Variants in ABCG1 observed in about 807,000 individuals in gnomAD.
The protein encoded by ABCG1 is ATP binding cassette subfamily G member 1.
In ABCG1, 29 loss-of-function variants were observed where a neutral mutation model predicts 69.2. That is an observed-to-expected ratio of 0.42 (90% CI 0.31 to 0.57). The LOEUF (loss-of-function observed/expected upper bound fraction) is 0.57, where lower values mean the gene tolerates loss of function less well. Ranked by LOEUF, ABCG1 falls within the 20% of genes least tolerant of loss-of-function variation. The pLI, the probability that ABCG1 is intolerant of heterozygous loss-of-function variation, is 0.15. For missense variants in ABCG1, 718 were observed against 898.1 expected (o/e 0.80, Z 2.56); for synonymous variants, 370 against 374.8 (o/e 0.99, Z 0.15).
chr21:42,215,790 G>A (rs1230462358), upstream of ABCG1, among the ~76,000 whole-genome samples: 14 of 152,238 alleles, frequency 9.2e-5, no homozygotes, highest in Non-Finnish European at 2.1e-4. Context: ...CCTACTCTGG[G>A]GAGTGACTCC....
At chr21:42,286,844 G>C (rs1352658372) in intron 8 of ABCG1, among the ~76,000 whole-genome samples, 1 of 152,228 alleles carries the variant, frequency 6.6e-6, no homozygotes, top group Non-Finnish European at 1.5e-5. Flanking sequence ...TCTGACCAGA[G>C]AGCGGGAGGT....
chr21:42,214,840 A>T (rs1395620633), upstream of ABCG1, among the ~76,000 whole-genome samples: 1 of 152,236 alleles, frequency 6.6e-6, no homozygotes, highest in Non-Finnish European at 1.5e-5. Context: ...GGGGAAAAAA[A>T]TCCCATAAGC....
intron 2 of ABCG1, among the ~76,000 whole-genome samples, chr21:42,243,443 TGCGC>T (rs369452223): frequency 2.0e-4 from 18 of 89,564 alleles, no homozygotes; most frequent in Admixed American, 1.1e-3. Flanking sequence ...ACCGTGTGTG[TGCGC>T]GTGTGTGTGT....
intron 5 of ABCG1, among the ~76,000 whole-genome samples, chr21:42,281,610 C>T (rs1488030147): frequency 1.3e-5 from 2 of 152,162 alleles, no homozygotes; most frequent in African/African-American, 4.8e-5. Flanking sequence ...TGTTTCGTTG[C>T]CTTCCTGGCA....
At chr21:42,251,579 C>T (rs563947862) in intron 2 of ABCG1, among the ~76,000 whole-genome samples, 16 of 151,850 alleles carry the variant, frequency 1.1e-4, no homozygotes, top group East Asian at 5.8e-4. Flanking sequence ...TGAATGGCAG[C>T]GGCCAACGCA....
intron 1 of ABCG1, among the ~76,000 whole-genome samples, chr21:42,200,531 A>C (rs1442227484): frequency 1.3e-5 from 2 of 150,798 alleles, no homozygotes; most frequent in Admixed American, 6.6e-5. Context: ...CAATTTTTCC[A>C]TGGTTTGGGG....
chr21:42,227,459 G>A (rs886326588), intron 2 of ABCG1, among the ~76,000 whole-genome samples: 3 of 152,198 alleles, frequency 2.0e-5, no homozygotes, highest in African/African-American at 7.2e-5. Flanking sequence ...ATTCCTGTCC[G>A]TCTGTTATGT....
rs77299902 is a variant in ABCG1 at position 42,238,005 on chromosome 21, G to A, written c.286+12091G>A. ...AAACTCAGGATTGGAGTGAGGAATA[G>A]CAGAGGTCATCACTACAGCCAGGGC... On this transcript the variant is annotated intron_variant, in intron 2 of 14. Transcript: ENST00000398449. Among the ~76,000 whole-genome samples, 43 of 152,358 alleles carry A rather than the reference G, an allele frequency of 2.8e-4. No individual in the cohort carries two copies. The East Asian group carries it at 6.6e-3, about 23-fold the overall frequency.
Position 42,287,930 on chromosome 21 carries a change from C to A in ABCG1, c.1015C>A (p.Arg339=). The stretch of plus-strand genomic sequence containing the variant: ...CGGCGAGTACGGTGATCAGAACAGT[C>A]GGCTGGTGAGAGCGGTTCGGGAGGG... ...ASGEYGDQNS[R]LVRAVREGMC... is the part of the protein sequence containing the mutation. Residue 339 remains arginine (R), a synonymous_variant, in exon 9 of 15, where the codon CGG becomes AGG. Transcript: ENST00000398449. The surrounding 1 kb of genome is among the most constrained non-coding windows in gnomAD (Gnocchi z 6.2). 6.2e-7 allele frequency: 1 copy of A among 1,611,568 alleles called. No individual in the cohort carries two copies. Among genetic ancestry groups the A allele is most frequent in the Non-Finnish European group, 8.5e-7 (1 of 1,178,406 alleles).
rs746843176 is a variant in ABCG1, at chr21:42,225,752, G to A, written c.124G>A (p.Glu42Lys). 1.2e-6 allele frequency: 2 copies of A among 1,614,016 alleles called. No individual in the cohort carries two copies. Among genetic ancestry groups the A allele is most frequent in the Non-Finnish European group, 1.7e-6 (2 of 1,180,014 alleles). The change falls in exon 2 of 15, where the codon GAG (glutamate) becomes AAG (lysine). Residue 42 changes from glutamate (E) to lysine (K), a missense_variant. This residue lies in a region of ABCG1 where 514 missense variants were observed against 574.3 expected (regional missense o/e 0.90). Coordinates refer to ENST00000398449, the MANE Select transcript of ABCG1 (RefSeq NM_016818.3). The stretch of plus-strand genomic sequence containing the variant: ...GGATGAGGTGGTGTCCAGCAACATG[G>A]AGGCCACTGAGACGGACCTGCTGAA... ...SVDEVVSSNM[E>K]ATETDLLNGH...
chr21:42,278,882 T>C (rs1455919660), intron 5 of ABCG1, among the ~76,000 whole-genome samples: 2 of 151,944 alleles, frequency 1.3e-5, no homozygotes, highest in Non-Finnish European at 1.5e-5. Flanking sequence ...GAGGTCAGTT[T>C]TGCCACCCCC....
intron 2 of ABCG1, among the ~76,000 whole-genome samples, chr21:42,202,076 A>G (rs2067510990): frequency 6.6e-6 from 1 of 152,094 alleles, no homozygotes; most frequent in South Asian, 2.1e-4. Context: ...GCCCTCTGCA[A>G]TGTCATCTCC....
Position 42,276,504 on chromosome 21 carries a change from G to A in ABCG1, c.538-391G>A, listed in dbSNP as rs114042508. The A allele has an allele frequency of 1.8e-3, 352 of 193,442 alleles. 1 individual carries two copies. The highest frequency in any genetic ancestry group is 7.5e-3 in the African/African-American group (325 of 43,252). 12.0% of individuals were successfully genotyped at this position (193,442 alleles called of 1,614,324 possible). ...TTCAACTGAGATAGCAGGAAGCATC[G>A]CACATGGACTGCTCTCCTGCCATCC... On this transcript the variant is annotated intron_variant, in intron 4 of 14. Coordinates refer to ENST00000398449, the MANE Select transcript of ABCG1 (RefSeq NM_016818.3). The surrounding 1 kb of genome is among the most constrained non-coding windows in gnomAD (Gnocchi z 5.3).
intron 2 of ABCG1, among the ~76,000 whole-genome samples, chr21:42,232,860 C>T (rs2067920817): frequency 6.6e-6 from 1 of 152,200 alleles, no homozygotes; most frequent in Non-Finnish European, 1.5e-5. Flanking sequence ...AGTAACCATA[C>T]ACCTGCTCTT....
chr21:42,262,144 G>A (rs1049034159), intron 2 of ABCG1, among the ~76,000 whole-genome samples: 6 of 152,140 alleles, frequency 3.9e-5, no homozygotes, highest in African/African-American at 1.2e-4. Flanking sequence ...CAGGTAGTAG[G>A]AGAGGTTTTT....
At chr21:42,274,621 C>A (rs540301795) in intron 4 of ABCG1, among the ~76,000 whole-genome samples, 13 of 152,120 alleles carry the variant, frequency 8.5e-5, no homozygotes, top group African/African-American at 2.9e-4. Context: ...ACTACAGGCG[C>A]CCACCACCAT....
intron 2 of ABCG1, among the ~76,000 whole-genome samples, chr21:42,202,473 A>T (rs1247631798): frequency 6.6e-6 from 1 of 152,098 alleles, no homozygotes; most frequent in Non-Finnish European, 1.5e-5. Context: ...GGGGGCCGGC[A>T]GGTTAGAGGA....
chr21:42,224,369 G>A (rs1331932955), intron 1 of ABCG1, among the ~76,000 whole-genome samples: 1 of 152,152 alleles, frequency 6.6e-6, no homozygotes, highest in African/African-American at 2.4e-5. Flanking sequence ...AGGAGGCTTC[G>A]GGGTCGCTCC....
At chr21:42,214,085 T>C (rs1189258198), upstream of ABCG1, among the ~76,000 whole-genome samples, 1 of 152,202 alleles carries the variant, frequency 6.6e-6, no homozygotes, top group Non-Finnish European at 1.5e-5. Context: ...AGGGGTGGAA[T>C]GCTATGGTCT....
Sources: allele counts gnomAD v4.1 joint callset (sites outside exome capture counted in the v4.1 genomes callset), GRCh38; gene constraint gnomAD v4.1.1; regional missense constraint gnomAD v4.1.1; non-coding constraint Gnocchi (gnomAD v3.1); transcripts MANE v1.5; gene names NCBI Gene and HGNC (gene_info 2026-07-23, HGNC 2026-07-21).